The following KLRG1 variants were observed in gnomAD, a reference collection of about 807,000 sequenced individuals.
KLRG1 encodes killer cell lectin like receptor G1.
In KLRG1, 16 loss-of-function variants were observed where a neutral mutation model predicts 21.8. That is an observed-to-expected ratio of 0.73 (90% CI 0.50 to 1.11). The LOEUF (loss-of-function observed/expected upper bound fraction) is 1.11. Among genes scored for constraint, KLRG1 ranks in the 50% most tolerant of loss-of-function variants. The pLI, the probability that KLRG1 is intolerant of heterozygous loss-of-function variation, is 0.00. For missense variants in KLRG1, 173 were observed against 218.3 expected, an observed-to-expected ratio of 0.79 and a Z score of 1.31; for synonymous variants, 69 against 75.9, an observed-to-expected ratio of 0.91 and a Z score of 0.47.
intron 3 of KLRG1, among the ~76,000 whole-genome samples, chr12:8,997,566 A>G (rs1947170379): frequency 1.3e-5 from 2 of 152,150 alleles, no homozygotes; most frequent in Non-Finnish European, 2.9e-5. Context: ...CTGACATTCC[A>G]TTGGTGGAGA....
At chr12:9,053,005 A>G in the KLRG1 span, among the ~76,000 whole-genome samples, 10 of 152,046 alleles carry the variant, frequency 6.6e-5, no homozygotes, top group Admixed American at 2.0e-4. Context: ...TTCCTGTTCA[A>G]CCTCGTTTTG....
chr12:9,068,624 A>G, the KLRG1 span: 1 of 859,454 alleles, frequency 1.2e-6, no homozygotes, highest in Non-Finnish European at 1.9e-6. Flanking sequence ...TGATGGAGAC[A>G]AAATGAAGTG....
the KLRG1 span, chr12:9,169,685 T>C: frequency 1.6e-6 from 2 of 1,214,848 alleles, no homozygotes; most frequent in Non-Finnish European, 2.2e-6. Context: ...TCACCAATCT[T>C]TTCTTGAGTA....
At chr12:8,953,057 C>G (rs770313817) in intron 1 of KLRG1, among the ~76,000 whole-genome samples, 6 of 143,498 alleles carry the variant, frequency 4.2e-5, no homozygotes, top group East Asian at 2.0e-4. Flanking sequence ...ACCCCCCCCC[C>G]GCAAAACCCC....
At chr12:8,971,085 A>G (rs1218008549) in intron 1 of KLRG1, 1 of 152,150 alleles carries the variant, frequency 6.6e-6, no homozygotes, top group African/African-American at 2.4e-5. Context: ...CAGGTTTGGT[A>G]TCAGAGTCAT....
the KLRG1 span, among the ~76,000 whole-genome samples, chr12:9,021,557 T>C: frequency 6.6e-5 from 10 of 151,980 alleles, no homozygotes; most frequent in East Asian, 1.7e-3. Context: ...CACGCCACCA[T>C]ACCCAGCTAA....
At chr12:9,102,790 G>A in the KLRG1 span, among the ~76,000 whole-genome samples, 1 of 152,204 alleles carries the variant, frequency 6.6e-6, no homozygotes, top group East Asian at 1.9e-4. Context: ...GACTAGCACA[G>A]TGCTGGCACG....
At chr12:9,072,402 C>A in the KLRG1 span, 1 of 1,613,834 alleles carries the variant, frequency 6.2e-7, no homozygotes, top group Non-Finnish European at 8.5e-7. Context: ...GCTTTGGGTT[C>A]ATCACAAGTT....
chr12:9,108,320 G>GA, the KLRG1 span, among the ~76,000 whole-genome samples: 1 of 151,980 alleles, frequency 6.6e-6, no homozygotes, highest in South Asian at 2.1e-4. Context: ...TAGAGACGGG[G>GA]TTTCACCATG....
chr12:9,167,338 A>G, the KLRG1 span: 1 of 152,126 alleles, frequency 6.6e-6, no homozygotes, highest in African/African-American at 2.4e-5. Flanking sequence ...CTTACTGTCA[A>G]CTTGACTTTC....
the KLRG1 span, chr12:9,069,065 A>G: frequency 1.2e-5 from 5 of 410,912 alleles, no homozygotes; most frequent in Non-Finnish European, 2.2e-5. Context: ...CAATGCCAAT[A>G]CATAGCTCTG....
upstream of KLRG1, among the ~76,000 whole-genome samples, chr12:8,986,114 C>G (rs1367108315): frequency 6.6e-6 from 1 of 152,172 alleles, no homozygotes; most frequent in Non-Finnish European, 1.5e-5. Flanking sequence ...TAATACCACC[C>G]TGGGGTTATG....
intron 2 of KLRG1, among the ~76,000 whole-genome samples, chr12:8,994,103 C>T (rs187888128): frequency 1.3e-5 from 2 of 152,228 alleles, no homozygotes; most frequent in African/African-American, 4.8e-5. Context: ...CTTGCTCTGT[C>T]GCCCAGGCAG....
the KLRG1 span, among the ~76,000 whole-genome samples, chr12:9,182,724 G>A: frequency 2.0e-5 from 3 of 152,172 alleles, no homozygotes; most frequent in Non-Finnish European, 4.4e-5. Flanking sequence ...AGGGCCACCA[G>A]GTAGCTACAA....
chr12:9,196,704 C>T, the KLRG1 span: 25 of 1,535,422 alleles, frequency 1.6e-5, no homozygotes, highest in African/African-American at 2.2e-4. Flanking sequence ...AATACCAAAA[C>T]CAATAAATGT....
At chr12:9,077,687 C>T in the KLRG1 span, 1 of 1,612,712 alleles carries the variant, frequency 6.2e-7, no homozygotes, top group East Asian at 2.2e-5. Flanking sequence ...AAAACTAGCT[C>T]CAGAATGATT....
chr12:9,072,261 C>A, the KLRG1 span: 2 of 1,405,024 alleles, frequency 1.4e-6, no homozygotes, highest in Middle Eastern at 2.2e-4. Flanking sequence ...GTGAATAGTG[C>A]AAATATCTAC....
rs770844040 is a variant in KLRG1, at chr12:8,995,193, T to A, written c.262T>A (p.Tyr88Asn). The change falls in exon 3 of 5, where the codon TAT becomes AAT. Residue 88 changes from tyrosine to asparagine, a missense_variant. Tyr to Asn is a moderately radical substitution (Grantham distance 143, BLOSUM62 -2). Around this residue, in one of 3 missense-constraint regions of KLRG1, gnomAD observed 144 missense variants for 161.5 expected, o/e 0.89. Coordinates refer to ENST00000356986, the MANE Select transcript of KLRG1 (RefSeq NM_005810.4). The part of the protein sequence containing the change: ...RWMKYGNHCY[Y>N]FSVEEKDWNS... ...GATGAAATATGGTAACCATTGTTAT[T>A]ATTTCTCAGTGGAGGAAAAGGACTG... 6.2e-7 allele frequency: 1 copy of A among 1,613,902 alleles called. No individual in the cohort carries two copies. The highest frequency in any genetic ancestry group is 8.5e-7 in the Non-Finnish European group (1 of 1,179,858).
intron 1 of KLRG1, among the ~76,000 whole-genome samples, chr12:8,962,329 GA>G (rs1279257113): frequency 6.6e-6 from 1 of 152,166 alleles, no homozygotes; most frequent in East Asian, 1.9e-4. Context: ...ATGATAAGAT[GA>G]ATATATGATG....
Sources: allele counts gnomAD v4.1 joint callset (sites outside exome capture counted in the v4.1 genomes callset), GRCh38; gene constraint gnomAD v4.1.1; regional missense constraint gnomAD v4.1.1; transcripts MANE v1.5; gene names NCBI Gene and HGNC (gene_info 2026-07-23, HGNC 2026-07-21).